Variants in NRG2 observed in about 807,000 individuals in gnomAD.
The protein encoded by NRG2 is neuregulin 2, also known as pro-neuregulin-2, membrane-bound isoform.
NRG2 carries 27 observed loss-of-function variants against 73.9 expected under a neutral mutation model. The ratio of observed to expected loss-of-function variants is 0.37; its 90% confidence interval spans 0.27 to 0.50. The LOEUF is 0.50. Among genes scored for constraint, NRG2 ranks in the 20% least tolerant of loss-of-function variants. NRG2 has a pLI of 0.96. For missense variants in NRG2, 1,126 were observed against 1,210.1 expected (o/e 0.93, Z 1.03); for synonymous variants, 532 against 541.0 (o/e 0.98, Z 0.23).
intron 9 of NRG2, among the ~76,000 whole-genome samples, chr5:139,849,915 G>A (rs1269756944): frequency 6.6e-6 from 1 of 152,154 alleles, no homozygotes; most frequent in Admixed American, 6.5e-5. Flanking sequence ...GCTGAAGCCG[G>A]TCTTCCTGTT....
rs1431960152 is a variant in NRG2 at position 139,855,560 on chromosome 5, C to T, written c.1292+116G>A. On this transcript the variant is annotated intron_variant, in intron 6 of 9. Transcript: ENST00000361474. Reference sequence around the variant, plus strand: ...AGAGGCCCCCGAGGGGTAGTTGGGGCCTAGGAGGGTATAGAGGGCTCCAGT... The same window carrying T: ...AGAGGCCCCCGAGGGGTAGTTGGGGTCTAGGAGGGTATAGAGGGCTCCAGT... 11 of 869,390 alleles carry T rather than the reference C, an allele frequency of 1.3e-5. No homozygotes were observed. The Admixed American group carries it at 2.0e-4, about 16-fold the overall frequency. The allele number at this position is 869,390 out of a possible 1,614,324, so 53.9% of individuals were successfully genotyped here.
chr5:139,961,803 G>A (rs1755085396), intron 1 of NRG2, among the ~76,000 whole-genome samples: 1 of 152,224 alleles, frequency 6.6e-6, no homozygotes, highest in Admixed American at 6.5e-5. Flanking sequence ...CCTAAAGGAA[G>A]AGGTCTCTCC....
intron 2 of NRG2, among the ~76,000 whole-genome samples, chr5:139,886,160 A>G (rs953079971): frequency 1.3e-5 from 2 of 152,166 alleles, no homozygotes; most frequent in African/African-American, 4.8e-5. Context: ...CCTTAATTAC[A>G]TTCTGTTTTC....
intron 1 of NRG2, among the ~76,000 whole-genome samples, chr5:139,911,270 C>T (rs1750797972): frequency 6.6e-6 from 1 of 152,038 alleles, no homozygotes. Flanking sequence ...CTCTGGCCTG[C>T]CTCCCCATCT....
chr5:139,921,676 A>G lies in NRG2; in HGVS notation c.701-34165T>C, dbSNP rs541527312. Among the ~76,000 whole-genome samples the G allele has an allele frequency of 2.0e-5, 3 of 152,332 alleles. No individual in the cohort carries two copies. The East Asian group carries it at 5.8e-4, about 29-fold the overall frequency. On this transcript the variant is annotated intron_variant, in intron 1 of 9. Coordinates refer to ENST00000361474, the MANE Select transcript of NRG2 (RefSeq NM_004883.3). ...CTACTAGAAGATGACATAGGAGAAA[A>G]TCTAGATGACCTTGGGTTTGGCAAT...
chr5:139,901,875 C>A (rs1197197979), intron 1 of NRG2, among the ~76,000 whole-genome samples: 1 of 152,236 alleles, frequency 6.6e-6, no homozygotes, highest in Non-Finnish European at 1.5e-5. Flanking sequence ...AACACAGCAA[C>A]TACAGGGATT....
chr5:140,010,373 G>A (rs1759264909), intron 1 of NRG2, among the ~76,000 whole-genome samples: 2 of 152,182 alleles, frequency 1.3e-5, no homozygotes, highest in African/African-American at 4.8e-5. Context: ...CCCATAGAAT[G>A]TACAACACTG....
At chr5:139,908,333 G>T (rs189401035) in intron 1 of NRG2, among the ~76,000 whole-genome samples, 46 of 152,326 alleles carry the variant, frequency 3.0e-4, no homozygotes, top group African/African-American at 1.1e-3. Context: ...GGAGACGAGG[G>T]AGTCAGCAAA....
At chr5:139,854,044 T>C (rs1167932921) in intron 6 of NRG2, among the ~76,000 whole-genome samples, 2 of 152,158 alleles carry the variant, frequency 1.3e-5, no homozygotes, top group African/African-American at 2.4e-5. Flanking sequence ...TATCAAAATA[T>C]CTCATGTACC....
At chr5:140,022,590 G>A (rs543186661) in intron 1 of NRG2, among the ~76,000 whole-genome samples, 9 of 152,308 alleles carry the variant, frequency 5.9e-5, no homozygotes, top group African/African-American at 2.2e-4. Context: ...AGCATAGATG[G>A]CCTGGGTTCA....
chr5:139,977,041 G>A (rs973665029), intron 1 of NRG2, among the ~76,000 whole-genome samples: 5 of 152,116 alleles, frequency 3.3e-5, no homozygotes, highest in South Asian at 2.1e-4. Context: ...TGAATGGATC[G>A]CCCAGTGCCT....
chr5:139,952,526 G>A (rs932408690), intron 1 of NRG2, among the ~76,000 whole-genome samples: 7 of 152,172 alleles, frequency 4.6e-5, no homozygotes, highest in African/African-American at 1.2e-4. Flanking sequence ...TGGATGGGGT[G>A]GGAGAAGGCT....
At chr5:139,947,223 C>G (rs1753859579) in intron 1 of NRG2, among the ~76,000 whole-genome samples, 1 of 152,122 alleles carries the variant, frequency 6.6e-6, no homozygotes, top group Admixed American at 6.5e-5. Context: ...GAAGTAAACC[C>G]ATACTCTTTG....
intron 1 of NRG2, among the ~76,000 whole-genome samples, chr5:139,962,715 A>G (rs1184412500): frequency 2.0e-5 from 3 of 152,196 alleles, no homozygotes; most frequent in African/African-American, 7.2e-5. Context: ...ACTATTTAAC[A>G]GAGAGGAAAA....
chr5:139,870,331 G>C lies in NRG2; in HGVS notation c.1112+1390C>G, dbSNP rs377193544. Among the ~76,000 whole-genome samples, 13 of 152,306 alleles carry C rather than the reference G, an allele frequency of 8.5e-5. No individual in the cohort carries two copies. The highest frequency in any genetic ancestry group is 7.7e-4 in the East Asian group (4 of 5,178). On this transcript the variant is annotated intron_variant, in intron 4 of 9. Transcript: ENST00000361474. This position sits in a 1 kb window ranked among gnomAD's most constrained non-coding sequence, Gnocchi z 4.4. ...GGGACTCTCCTCTAAGGTTCAGGGAGGGGGAGAAGGAGGTGGCAGCAGGGG... is the reference window on the plus strand; with the variant it reads ...GGGACTCTCCTCTAAGGTTCAGGGACGGGGAGAAGGAGGTGGCAGCAGGGG...
chr5:139,944,197 G>T lies in NRG2; in HGVS notation c.701-56686C>A, dbSNP rs114761092. Among the ~76,000 whole-genome samples, 357 of 152,152 alleles carry T rather than the reference G, an allele frequency of 2.3e-3. 2 individuals carry two copies. The highest frequency in any genetic ancestry group is 8.2e-3 in the African/African-American group (342 of 41,524). On this transcript the variant is annotated intron_variant, in intron 1 of 9. Transcript: ENST00000361474. Reference sequence around the variant, plus strand: ...AAATGTTTCAACACATACAAGGTATGGTGATTAGATCAGGGCAATTAGCAT... The same window carrying T: ...AAATGTTTCAACACATACAAGGTATTGTGATTAGATCAGGGCAATTAGCAT...
chr5:139,861,949 C>T (rs964193758), intron 5 of NRG2, among the ~76,000 whole-genome samples: 6 of 152,150 alleles, frequency 3.9e-5, no homozygotes, highest in African/African-American at 7.2e-5. Flanking sequence ...CACTTTCCGA[C>T]GAGGTGGTTG....
At chr5:139,884,954 G>A (rs1459737947) in intron 2 of NRG2, among the ~76,000 whole-genome samples, 8 of 152,104 alleles carry the variant, frequency 5.3e-5, no homozygotes, top group Non-Finnish European at 1.0e-4. Flanking sequence ...AAAGGGTCAG[G>A]GGTTGAGCAG....
chr5:139,914,506 G>A (rs1751095289), intron 1 of NRG2, among the ~76,000 whole-genome samples: 1 of 152,066 alleles, frequency 6.6e-6, no homozygotes, highest in Non-Finnish European at 1.5e-5. Context: ...ATACACACAT[G>A]CACACCCACC....
Sources: gnomAD v4.1 joint callset for allele counts (sites outside exome capture counted in the v4.1 genomes callset) on GRCh38, gnomAD v4.1.1 for gene constraint, Gnocchi (gnomAD v3.1) non-coding constraint, MANE v1.5 for transcripts, NCBI Gene and HGNC (gene_info 2026-07-23, HGNC 2026-07-21) for gene names.